The following COA1 variants were observed in gnomAD, a reference collection of about 807,000 sequenced individuals.
COA1 encodes the protein cytochrome c oxidase assembly factor 1.
Under a neutral mutation model 16.0 loss-of-function variants are expected in COA1, and 13 were observed. The ratio of observed to expected loss-of-function variants is 0.81; its 90% CI spans 0.53 to 1.29. The LOEUF (loss-of-function observed/expected upper bound fraction) is 1.29, where lower values mean the gene tolerates loss of function less well. COA1 is among the 50% of genes most tolerant of loss of function. The pLI is 0.00. For synonymous variants in COA1, 65 were observed against 65.7 expected (o/e 0.99, Z 0.05); for missense variants, 179 against 177.0 (o/e 1.01, Z -0.06).
At chr7:43,644,761 GGC>G (rs1563228825) in intron 4 of COA1, among the ~76,000 whole-genome samples, 5,500 of 89,808 alleles carry the variant, frequency 0.061, 228 homozygotes, top group Middle Eastern at 0.085. Flanking sequence ...TAGATAGATA[GGC>G]AGGCAGGCAG....
At chr7:43,664,228 G>C (rs2092723952) in intron 1 of COA1, among the ~76,000 whole-genome samples, 1 of 151,648 alleles carries the variant, frequency 6.6e-6, no homozygotes, top group Admixed American at 6.6e-5. Context: ...CAATACTCCT[G>C]CCTCAGTCTT....
chr7:43,630,646 A>G (rs939919830), intron 6 of COA1, among the ~76,000 whole-genome samples: 3 of 152,214 alleles, frequency 2.0e-5, no homozygotes, highest in Non-Finnish European at 4.4e-5. Context: ...CTTTCATCCT[A>G]TACTTTTTAA....
At chr7:43,635,371 T>C (rs533257430), downstream of COA1, among the ~76,000 whole-genome samples, 60 of 152,172 alleles carry the variant, frequency 3.9e-4, no homozygotes, top group Non-Finnish European at 7.2e-4. Flanking sequence ...GGGTAACAAA[T>C]AGCCCCCCAT....
intron 1 of COA1, among the ~76,000 whole-genome samples, chr7:43,678,131 T>G (rs765914826): frequency 2.6e-5 from 4 of 152,200 alleles, no homozygotes; most frequent in Non-Finnish European, 4.4e-5. Flanking sequence ...AGATGAACCT[T>G]CCTGTTGAAA....
chr7:43,674,129 C>G (rs372547950), intron 1 of COA1, among the ~76,000 whole-genome samples: 2 of 152,302 alleles, frequency 1.3e-5, no homozygotes, highest in South Asian at 2.1e-4. Flanking sequence ...CAAACCTGCA[C>G]ATGTACCCCT....
At chr7:43,721,644 T>C (rs145373513) in intron 1 of COA1, among the ~76,000 whole-genome samples, 2 of 152,272 alleles carry the variant, frequency 1.3e-5, no homozygotes, top group East Asian at 1.9e-4. Context: ...AAGGGGAAGA[T>C]TTAACCATGA....
chr7:43,681,390 A>C (rs1161047331), intron 1 of COA1, among the ~76,000 whole-genome samples: 2 of 152,152 alleles, frequency 1.3e-5, no homozygotes, highest in East Asian at 3.8e-4. Flanking sequence ...TCTGTTACTA[A>C]GAATAAAATC....
chr7:43,696,157 A>C (rs73108681), intron 1 of COA1, among the ~76,000 whole-genome samples: 2,947 of 152,328 alleles, frequency 0.019, 48 homozygotes, highest in Non-Finnish European at 0.03. Context: ...ACTTGATTAA[A>C]ATTTCTTTCC....
intron 1 of COA1, among the ~76,000 whole-genome samples, chr7:43,696,621 A>G (rs1422437425): frequency 1.3e-5 from 2 of 152,172 alleles, no homozygotes; most frequent in Admixed American, 6.6e-5. Context: ...CTGCAGAATG[A>G]TATGTAAGGT....
At chr7:43,711,300 C>T (rs1466333445) in intron 1 of COA1, 1 of 151,860 alleles carries the variant, frequency 6.6e-6, no homozygotes, top group Admixed American at 6.6e-5. Context: ...AATGTACCCA[C>T]TTTATTATGT....
chr7:43,724,816 T>C (rs980586262), intron 1 of COA1, among the ~76,000 whole-genome samples: 8 of 152,252 alleles, frequency 5.3e-5, no homozygotes, highest in Non-Finnish European at 1.2e-4. Flanking sequence ...ACAAATATTT[T>C]ATGATTCCAC....
intron 6 of COA1, among the ~76,000 whole-genome samples, chr7:43,618,399 G>A (rs186889599): frequency 3.2e-4 from 48 of 152,288 alleles, no homozygotes; most frequent in African/African-American, 1.1e-3. Flanking sequence ...GAGTAGCTGT[G>A]TTATTTAGGG....
At chr7:43,665,941 T>A (rs1238585381) in intron 1 of COA1, among the ~76,000 whole-genome samples, 1 of 152,080 alleles carries the variant, frequency 6.6e-6, no homozygotes, top group Non-Finnish European at 1.5e-5. Context: ...ACAGAGTAAA[T>A]TTGTCCTTTC....
At chr7:43,628,141 C>T (rs539770292) in intron 6 of COA1, among the ~76,000 whole-genome samples, 1 of 152,208 alleles carries the variant, frequency 6.6e-6, no homozygotes, top group African/African-American at 2.4e-5. Flanking sequence ...CATGCGCCAC[C>T]ACACCCGGCT....
intron 1 of COA1, among the ~76,000 whole-genome samples, chr7:43,697,722 C>A (rs1353529000): frequency 6.6e-6 from 1 of 152,212 alleles, no homozygotes; most frequent in African/African-American, 2.4e-5. Context: ...TGGCTGCCCT[C>A]ACACTCAGTA....
At chr7:43,627,726 T>C (rs1320863189) in intron 6 of COA1, among the ~76,000 whole-genome samples, 1 of 152,202 alleles carries the variant, frequency 6.6e-6, no homozygotes, top group Non-Finnish European at 1.5e-5. Context: ...TTAATCACTA[T>C]TGTTTTGGAG....
chr7:43,621,984 T>C (rs1274763975), intron 6 of COA1, among the ~76,000 whole-genome samples: 1 of 152,186 alleles, frequency 6.6e-6, no homozygotes, highest in Non-Finnish European at 1.5e-5. Flanking sequence ...TTAAATCTCT[T>C]TATACCTCAG....
chr7:43,697,381 T>C (rs1196749284), intron 1 of COA1, among the ~76,000 whole-genome samples: 1 of 151,948 alleles, frequency 6.6e-6, no homozygotes, highest in Non-Finnish European at 1.5e-5. Context: ...AACCTCTGCC[T>C]CCCTGGTTCA....
At chr7:43,644,516 T>G (rs527435955) in intron 4 of COA1, among the ~76,000 whole-genome samples, 133 of 152,144 alleles carry the variant, frequency 8.7e-4, no homozygotes, top group African/African-American at 2.9e-3. Context: ...TGACTGGATA[T>G]AGATGCATTT....
Sources: gnomAD v4.1 joint callset for allele counts (sites outside exome capture counted in the v4.1 genomes callset) on GRCh38, gnomAD v4.1.1 for gene constraint, MANE v1.5 for transcripts, NCBI Gene and HGNC (gene_info 2026-07-23, HGNC 2026-07-21) for gene names.